Variants in EYS observed in about 807,000 individuals in gnomAD.
EYS encodes EGF-like photoreceptor maintenance factor.
Under a neutral mutation model 282.1 loss-of-function variants are expected in EYS, and 250 were observed. The ratio of observed to expected loss-of-function variants is 0.89; its 90% CI spans 0.80 to 0.98. EYS has a LOEUF of 0.98. EYS is among the 50% of genes least tolerant of loss of function. EYS has a pLI of 0.00. For synonymous variants in EYS, 1,355 were observed against 1,282.9 expected (o/e 1.06, Z -1.20); for missense variants, 4,016 against 3,709.0 (o/e 1.08, Z -2.15).
At position 64,306,368 on chromosome 6, in the gene EYS, C is replaced by T. The variant is rs190509854; in HGVS notation, c.6191+602G>A. Among the ~76,000 whole-genome samples the T allele has an allele frequency of 7.2e-4, 110 of 152,152 alleles. 1 individual carries two copies. In the South Asian group the frequency reaches 0.012, roughly 16 times the overall value. On this transcript the variant is annotated intron_variant, in intron 30 of 42. Transcript: ENST00000503581. ...TTACCATAATACTCCCAAAATAACC[C>T]CTTTTATAAGGGGTCATTTTAATTG...
rs886901434 is a variant in EYS, at chr6:64,088,566, G to T, written c.6425-6564C>A. On this transcript the variant is annotated intron_variant, in intron 31 of 42. Transcript: ENST00000503581. ...TTATATTAAAAAAAATCTCAAATTG[G>T]CAAAGGAAGCTATGAAAGCACAGTA... 2.0e-5 allele frequency among the ~76,000 whole-genome samples: 3 copies of T among 151,730 alleles called. No homozygotes were observed. In the South Asian group the frequency reaches 6.2e-4, roughly 31 times the overall value.
intron 9 of EYS, among the ~76,000 whole-genome samples, chr6:65,346,946 C>A (rs764238364): frequency 7.2e-5 from 11 of 151,768 alleles, no homozygotes; most frequent in Non-Finnish European, 1.5e-4. Context: ...ATGAGTTCTA[C>A]ATTCATTTCC....
At chr6:64,447,106 T>C (rs1277351963) in intron 26 of EYS, among the ~76,000 whole-genome samples, 1 of 152,096 alleles carries the variant, frequency 6.6e-6, no homozygotes, top group African/African-American at 2.4e-5. Flanking sequence ...CTATGCTGTT[T>C]ATTAAGAAAC....
chr6:64,597,451 A>G (rs1239935609), intron 24 of EYS, among the ~76,000 whole-genome samples: 1 of 152,194 alleles, frequency 6.6e-6, no homozygotes, highest in Non-Finnish European at 1.5e-5. Context: ...AATAGCAAAG[A>G]TGTGGAATCC....
intron 5 of EYS, among the ~76,000 whole-genome samples, chr6:65,473,187 A>G (rs1439165795): frequency 6.6e-6 from 1 of 151,914 alleles, no homozygotes; most frequent in East Asian, 1.9e-4. Context: ...CTAGAGAAAA[A>G]GGTAAGGGAC....
rs577718933 is a variant in EYS, at chr6:64,658,315, C to T, written c.3444-32070G>A. Among the ~76,000 whole-genome samples, 12 of 86,476 alleles carry T rather than the reference C, an allele frequency of 1.4e-4. No individual in the cohort carries two copies. In the South Asian group the frequency reaches 1.8e-3, roughly 13 times the overall value. The allele number at this position is 86,476 out of a possible 152,430, so 56.7% of individuals were successfully genotyped here. A position where few individuals can be genotyped will look rare whatever the true frequency, so the allele number is the denominator to read the frequency against. ...TGGGTTCGAACTTCCTCCTTTAGCT[C>T]GGAAGTTTGATCGTCTGAAGCCTTC... On this transcript the variant is annotated intron_variant, in intron 22 of 42. Coordinates refer to ENST00000503581, the MANE Select transcript of EYS (RefSeq NM_001142800.2).
At chr6:64,855,082 C>A (rs1009794255) in intron 19 of EYS, among the ~76,000 whole-genome samples, 4 of 151,840 alleles carry the variant, frequency 2.6e-5, no homozygotes, top group Admixed American at 6.6e-5. Flanking sequence ...CTCTGTCTGC[C>A]TTCAAGATTA....
chr6:64,516,406 T>G (rs1236343677), intron 26 of EYS, among the ~76,000 whole-genome samples: 3 of 151,696 alleles, frequency 2.0e-5, no homozygotes, highest in African/African-American at 7.3e-5. Context: ...TGACACAAGT[T>G]TACCCGTGTA....
chr6:64,798,721 C>T (rs1467196731), intron 22 of EYS, among the ~76,000 whole-genome samples: 1 of 150,486 alleles, frequency 6.6e-6, no homozygotes, highest in Non-Finnish European at 1.5e-5. Flanking sequence ...AGTCTCCTTC[C>T]TTCCATAACT....
chr6:65,649,258 T>A (rs1767568077), intron 1 of EYS, among the ~76,000 whole-genome samples: 1 of 152,196 alleles, frequency 6.6e-6, no homozygotes, highest in Admixed American at 6.5e-5. Context: ...TGTATGTGTT[T>A]TGTTTTGTTT....
In EYS at chr6:64,898,435, C is replaced by G. The variant is rs544249659; in HGVS notation, c.2846+3678G>C. ...TTTTGTCACCACCAAGCCTGCCTTACAACGGCTCCTGAAGGAGGCATTAAA... is the reference window on the plus strand; with the variant it reads ...TTTTGTCACCACCAAGCCTGCCTTAGAACGGCTCCTGAAGGAGGCATTAAA... On this transcript the variant is annotated intron_variant, in intron 18 of 42. Coordinates refer to ENST00000503581, the MANE Select transcript of EYS (RefSeq NM_001142800.2). 2.0e-5 allele frequency among the ~76,000 whole-genome samples: 3 copies of G among 152,202 alleles called. No homozygotes were observed. In the South Asian group the frequency reaches 6.2e-4, roughly 32 times the overall value.
intron 31 of EYS, among the ~76,000 whole-genome samples, chr6:64,125,949 G>C (rs1239436949): frequency 6.6e-6 from 1 of 151,004 alleles, no homozygotes; most frequent in African/African-American, 2.4e-5. Flanking sequence ...TTAAGTTTTA[G>C]GGTACACGTG....
In EYS at chr6:65,135,174, A is replaced by G. The variant is rs552465200; in HGVS notation, c.2024-77447T>C. 9.2e-5 allele frequency among the ~76,000 whole-genome samples: 14 copies of G among 152,214 alleles called. No individual in the cohort carries two copies. In the South Asian group the frequency reaches 2.7e-3, roughly 29 times the overall value. Reference sequence around the variant, plus strand: ...ATAATAGAGAAAATCTATTTCAACTATGGGTGAGATGCTTTAGGTTATTTT... The same window carrying G: ...ATAATAGAGAAAATCTATTTCAACTGTGGGTGAGATGCTTTAGGTTATTTT... On this transcript the variant is annotated intron_variant, in intron 12 of 42. Coordinates refer to ENST00000503581, the MANE Select transcript of EYS (RefSeq NM_001142800.2).
intron 22 of EYS, among the ~76,000 whole-genome samples, chr6:64,660,931 T>A (rs190821702): frequency 1.7e-4 from 26 of 152,210 alleles, no homozygotes; most frequent in Admixed American, 6.6e-5. Context: ...CATTGCCAAG[T>A]CAATCCTAAG....
At chr6:64,464,751 T>C (rs1237331939) in intron 26 of EYS, among the ~76,000 whole-genome samples, 1 of 152,012 alleles carries the variant, frequency 6.6e-6, no homozygotes, top group African/African-American at 2.4e-5. Flanking sequence ...TACAAATAAC[T>C]ACATTGCTAT....
At chr6:63,751,915 C>G (rs1284641069) in intron 41 of EYS, among the ~76,000 whole-genome samples, 4 of 152,140 alleles carry the variant, frequency 2.6e-5, no homozygotes, top group Non-Finnish European at 5.9e-5. Context: ...GGAAACCCAT[C>G]AGGATGATGT....
chr6:65,088,977 C>T (rs1774467434), intron 12 of EYS, among the ~76,000 whole-genome samples: 1 of 152,192 alleles, frequency 6.6e-6, no homozygotes, highest in East Asian at 1.9e-4. Context: ...CACATGCTGT[C>T]GAGCCTGTGG....
At chr6:64,995,892 C>G (rs1315268636) in intron 14 of EYS, among the ~76,000 whole-genome samples, 2 of 152,100 alleles carry the variant, frequency 1.3e-5, no homozygotes, top group East Asian at 3.9e-4. Flanking sequence ...AAGTTGTACT[C>G]CTTGACTTGT....
intron 2 of EYS, among the ~76,000 whole-genome samples, chr6:65,547,002 G>A (rs1413350249): frequency 1.3e-5 from 2 of 151,772 alleles, no homozygotes; most frequent in Non-Finnish European, 2.9e-5. Flanking sequence ...ACAACTAAAG[G>A]TACACACTTC....
Sources: gnomAD v4.1 joint callset for allele counts (sites outside exome capture counted in the v4.1 genomes callset) on GRCh38, gnomAD v4.1.1 for gene constraint, MANE v1.5 for transcripts, NCBI Gene and HGNC (gene_info 2026-07-23, HGNC 2026-07-21) for gene names.